The following WDR20 variants were observed in gnomAD, a reference collection of about 807,000 sequenced individuals.
The protein encoded by WDR20 is WD repeat-containing protein 20.
WDR20 carries 3 observed loss-of-function variants against 38.7 expected under a neutral mutation model. The observed-to-expected ratio is 0.08, with a 90% CI of 0.04 to 0.20. WDR20 has a LOEUF of 0.20. Ranked by LOEUF, WDR20 falls within the 10% of genes least tolerant of loss-of-function variation. WDR20 has a pLI of 1.00. For synonymous variants in WDR20, 298 were observed against 285.6 expected, an observed-to-expected ratio of 1.04 and a Z score of -0.44; for missense variants, 559 against 727.7, an observed-to-expected ratio of 0.77 and a Z score of 2.67.
chr14:102,168,812 T>C (rs2060266376), intron 1 of WDR20, among the ~76,000 whole-genome samples: 1 of 152,186 alleles, frequency 6.6e-6, no homozygotes, highest in South Asian at 2.1e-4. Context: ...CACTTCTGCT[T>C]CTACCACTAC....
At chr14:102,141,521 T>C (rs1170904040) in intron 1 of WDR20, among the ~76,000 whole-genome samples, 2 of 152,166 alleles carry the variant, frequency 1.3e-5, no homozygotes, top group Non-Finnish European at 1.5e-5. Context: ...TTGCAAAAGC[T>C]CGAAGTAGTC....
chr14:102,203,400 C>G (rs1032178122), intron 2 of WDR20, among the ~76,000 whole-genome samples: 4 of 151,880 alleles, frequency 2.6e-5, no homozygotes, highest in African/African-American at 4.8e-5. Flanking sequence ...TTTTTAGAAC[C>G]CTGTGTGTGT....
At chr14:102,152,057 G>A (rs1193711985) in intron 1 of WDR20, among the ~76,000 whole-genome samples, 1 of 152,008 alleles carries the variant, frequency 6.6e-6, no homozygotes, top group Admixed American at 6.6e-5. Flanking sequence ...GAGTATCTGG[G>A]ACTATAGGCA....
intron 1 of WDR20, among the ~76,000 whole-genome samples, chr14:102,173,466 TA>T (rs1349626578): frequency 2.1e-4 from 29 of 141,110 alleles, no homozygotes; most frequent in African/African-American, 7.3e-4. Context: ...TTATTATTAT[TA>T]TTATTATTAT....
At position 102,222,811 on chromosome 14, in the gene WDR20, T is replaced by A; in HGVS notation, c.1693-19T>A. ...CGTCCGGTGTTTTGCTGGATTAATG[T>A]AGACTGCTTTGTTTGCAGGGCTCAT... is the stretch of plus-strand genomic sequence containing the variant. On this transcript the variant is annotated intron_variant, in intron 3 of 3. Transcript: ENST00000335263. This position sits in a 1 kb window ranked among gnomAD's most constrained non-coding sequence, Gnocchi z 4.4. The A allele has an allele frequency of 6.2e-7, 1 of 1,614,174 alleles. No homozygotes were observed. Among genetic ancestry groups the A allele is most frequent in the Non-Finnish European group, 8.5e-7 (1 of 1,179,988 alleles).
rs11299573 is a variant in WDR20 at position 102,143,548 on chromosome 14, C to CT, written c.249+3390dup. 4.4e-3 allele frequency among the ~76,000 whole-genome samples: 640 copies of CT among 144,296 alleles called. 2 individuals carry two copies. The highest frequency in any genetic ancestry group is 9.5e-3 in the African/African-American group (375 of 39,478). 94.7% of individuals were successfully genotyped at this position (144,296 alleles called of 152,430 possible). A position where few individuals can be genotyped will look rare whatever the true frequency, so the allele number is the denominator to read the frequency against. Reference sequence around the variant, plus strand: ...CTTTCAACTACTAGCTTTTAAACATCTTTTTTTTTTTTTTGAGACAAAGTC... The same window carrying CT: ...CTTTCAACTACTAGCTTTTAAACATCTTTTTTTTTTTTTTTGAGACAAAGTC... On this transcript the variant is annotated intron_variant, in intron 1 of 2. Coordinates refer to ENST00000342702, the MANE Select transcript of WDR20 (RefSeq NM_144574.4).
intron 1 of WDR20, among the ~76,000 whole-genome samples, chr14:102,173,280 T>C (rs2061348795): frequency 6.6e-6 from 1 of 150,714 alleles, no homozygotes; most frequent in East Asian, 1.9e-4. Context: ...GCCTGGCCAG[T>C]TTTTTGTATT....
At chr14:102,139,687 G>C (rs113602506), upstream of WDR20, 2 of 672,680 alleles carry the variant, frequency 3.0e-6, no homozygotes, top group Non-Finnish European at 4.9e-6. Context: ...GGCCACACCC[G>C]GGGGAGGAGC....
chr14:102,217,419 C>T (rs932508348), downstream of WDR20, among the ~76,000 whole-genome samples: 3 of 152,352 alleles, frequency 2.0e-5, no homozygotes, highest in Non-Finnish European at 4.4e-5. Flanking sequence ...CAATCCTTTT[C>T]TCTGGGTGGC....
chr14:102,146,556 G>A (rs1160698632), intron 1 of WDR20, among the ~76,000 whole-genome samples: 2 of 152,192 alleles, frequency 1.3e-5, no homozygotes, highest in African/African-American at 4.8e-5. Context: ...CCTGATTAAA[G>A]AAGAAGGTAA....
At chr14:102,213,456 G>C, downstream of WDR20, 1 of 985,462 alleles carries the variant, frequency 1.0e-6, no homozygotes, top group Non-Finnish European at 1.2e-6. Flanking sequence ...CTTAGCTGGG[G>C]ACTGAGGGTA....
At chr14:102,152,484 G>A (rs964628781) in intron 1 of WDR20, among the ~76,000 whole-genome samples, 5 of 150,184 alleles carry the variant, frequency 3.3e-5, no homozygotes, top group Admixed American at 6.7e-5. Flanking sequence ...GGGTGATCTC[G>A]GCTCACTGCA....
rs191360001 is a variant in WDR20 at position 102,209,403 on chromosome 14, T to C, written c.1233T>C (p.Ala411=). 53 of 1,614,152 alleles carry C rather than the reference T, an allele frequency of 3.3e-5. 1 individual carries two copies. The Admixed American group carries it at 8.8e-4, about 27-fold the overall frequency. ...TCATGAATGCCACGAGTCCTCCTGCTGGAAGCAATGGGAACAGTGTTACAA... is the reference window on the plus strand; with the variant it reads ...TCATGAATGCCACGAGTCCTCCTGCCGGAAGCAATGGGAACAGTGTTACAA... The part of the protein sequence containing the change: ...TNVMNATSPP[A]GSNGNSVTTP... Residue 411 remains alanine (A), a synonymous_variant, in exon 3 of 3, where the codon GCT becomes GCC. Coordinates refer to ENST00000342702, the MANE Select transcript of WDR20 (RefSeq NM_144574.4). This position sits in a 1 kb window ranked among gnomAD's most constrained non-coding sequence, Gnocchi z 6.0.
intron 1 of WDR20, among the ~76,000 whole-genome samples, chr14:102,188,759 G>A (rs540575319): frequency 6.6e-6 from 1 of 150,698 alleles, no homozygotes; most frequent in African/African-American, 2.4e-5. Context: ...CTGTGTCCCA[G>A]CTACTTGAGA....
downstream of WDR20, among the ~76,000 whole-genome samples, chr14:102,211,737 C>T (rs1487197840): frequency 1.3e-5 from 2 of 152,232 alleles, no homozygotes; most frequent in South Asian, 2.1e-4. This position sits in a 1 kb window ranked among gnomAD's most constrained non-coding sequence, Gnocchi z 4.2. Context: ...TAGTGATGAA[C>T]GCTCCATGTG....
chr14:102,153,499 G>C (rs2056618079), intron 1 of WDR20, among the ~76,000 whole-genome samples: 1 of 151,730 alleles, frequency 6.6e-6, no homozygotes, highest in Non-Finnish European at 1.5e-5. Flanking sequence ...GTAGAGATGG[G>C]GTTTCACCAT....
chr14:102,200,470 TGTGTGTGTGTG>T (rs2060198830), intron 2 of WDR20, among the ~76,000 whole-genome samples: 5 of 78,832 alleles, frequency 6.3e-5, no homozygotes, highest in East Asian at 2.2e-4. Context: ...TTTTTTTTTG[TGTGTGTGTGTG>T]TGTGTGTGTG....
chr14:102,172,260 A>G (rs1252060912), intron 1 of WDR20, among the ~76,000 whole-genome samples: 1 of 150,530 alleles, frequency 6.6e-6, no homozygotes, highest in East Asian at 1.9e-4. Flanking sequence ...AAGGCAGAAG[A>G]ATTTTTCTTA....
chr14:102,193,457 C>T (rs978526670), intron 1 of WDR20: 1 of 1,613,372 alleles, frequency 6.2e-7, no homozygotes, highest in Admixed American at 1.7e-5. Context: ...TTATTTCATC[C>T]TCCAGACAAT....
Sources: allele counts gnomAD v4.1 joint callset (sites outside exome capture counted in the v4.1 genomes callset), GRCh38; gene constraint gnomAD v4.1.1; non-coding constraint Gnocchi (gnomAD v3.1); transcripts MANE v1.5; gene names NCBI Gene and HGNC (gene_info 2026-07-23, HGNC 2026-07-21).